The following CD200R1L variants were observed in gnomAD, a reference collection of about 807,000 sequenced individuals.
CD200R1L encodes the protein CD200 receptor 1 like.
A neutral mutation model predicts 24.8 loss-of-function variants in CD200R1L; 14 were observed. That is an observed-to-expected ratio of 0.56 (90% CI 0.37 to 0.88). The LOEUF (loss-of-function observed/expected upper bound fraction) is 0.88, where lower values mean the gene tolerates loss of function less well. Ranked by LOEUF, CD200R1L falls within the 40% of genes least tolerant of loss-of-function variation. The pLI is 0.00. For missense variants in CD200R1L, 299 were observed against 297.8 expected, an observed-to-expected ratio of 1.00 and a Z score of -0.03; for synonymous variants, 111 against 109.2, an observed-to-expected ratio of 1.02 and a Z score of -0.11.
chr3:112,835,984 AAG>A (rs1342534581), intron 3 of CD200R1L, among the ~76,000 whole-genome samples: 2 of 152,230 alleles, frequency 1.3e-5, no homozygotes, highest in African/African-American at 4.8e-5. Flanking sequence ...GCAGTAGGCA[AAG>A]AGCAGGTGGC....
intron 3 of CD200R1L, among the ~76,000 whole-genome samples, chr3:112,829,881 C>G (rs1003458060): frequency 1.3e-5 from 2 of 152,198 alleles, no homozygotes; most frequent in African/African-American, 4.8e-5. Context: ...TCTATAGACA[C>G]TCTTGTTGCT....
intron 3 of CD200R1L, among the ~76,000 whole-genome samples, chr3:112,832,897 C>T (rs1938835601): frequency 1.3e-5 from 2 of 152,190 alleles, no homozygotes; most frequent in Non-Finnish European, 2.9e-5. Context: ...GGGCATTTTG[C>T]AAAGACCATC....
At position 112,827,670 on chromosome 3, in the gene CD200R1L, G is replaced by A. The variant is rs770137502; in HGVS notation, c.64C>T (p.Pro22Ser). The change falls in exon 5 of 8, where the codon CCT becomes TCT. Residue 22 changes from proline (P) to serine (S), a missense_variant. Coordinates refer to ENST00000488794, the MANE Select transcript of CD200R1L (RefSeq NM_001199215.3). ...TIFAEGNISQ[P>S]VLMDINAVLC... ...ACAGCATTTATATCCATCAGTACAG[G>A]CTGTGAAATGTTACCTGGACACACA... The A allele has an allele frequency of 8.1e-6, 13 of 1,612,850 alleles. No homozygotes were observed. Among genetic ancestry groups the A allele is most frequent in the Non-Finnish European group, 1.1e-5 (13 of 1,179,470 alleles).
chr3:112,822,152 G>C (rs1559920658), intron 6 of CD200R1L, among the ~76,000 whole-genome samples: 1 of 152,214 alleles, frequency 6.6e-6, no homozygotes, highest in South Asian at 2.1e-4. Flanking sequence ...AGAAGTAAGT[G>C]GTTGTAATAT....
intron 2 of CD200R1L, among the ~76,000 whole-genome samples, chr3:112,841,535 A>G (rs566423224): frequency 6.6e-6 from 1 of 152,342 alleles, no homozygotes; most frequent in Admixed American, 6.5e-5. Flanking sequence ...AAACACAGCC[A>G]TATGCAGTCA....
At chr3:112,835,313 T>C (rs1372501083) in intron 3 of CD200R1L, among the ~76,000 whole-genome samples, 1 of 152,134 alleles carries the variant, frequency 6.6e-6, no homozygotes, top group East Asian at 1.9e-4. Context: ...GGGTAGCTCC[T>C]CTCTGCAGGC....
intron 7 of CD200R1L, among the ~76,000 whole-genome samples, 195 bp from the exon 8 acceptor site, chr3:112,816,170 A>T (rs1938385467): frequency 6.6e-6 from 1 of 152,212 alleles, no homozygotes; most frequent in Admixed American, 6.5e-5. Context: ...AACAACCATA[A>T]AACCTCTGTG....
chr3:112,837,513 A>C (rs1938977118), intron 3 of CD200R1L, among the ~76,000 whole-genome samples: 2 of 152,098 alleles, frequency 1.3e-5, no homozygotes, highest in Non-Finnish European at 2.9e-5. Flanking sequence ...TCTACCCTGT[A>C]CTTTAGTCCA....
chr3:112,837,344 T>C (rs1938973065), intron 3 of CD200R1L, among the ~76,000 whole-genome samples: 1 of 152,222 alleles, frequency 6.6e-6, no homozygotes, highest in Non-Finnish European at 1.5e-5. Flanking sequence ...TCTTAATTCA[T>C]GCTGTTCTTC....
chr3:112,822,934 C>T (rs986090406), intron 6 of CD200R1L, among the ~76,000 whole-genome samples: 1 of 152,186 alleles, frequency 6.6e-6, no homozygotes, highest in African/African-American at 2.4e-5. Flanking sequence ...TGTTGATCTT[C>T]ATTATTGATT....
intron 2 of CD200R1L, among the ~76,000 whole-genome samples, chr3:112,840,747 A>G: frequency 6.6e-6 from 1 of 151,826 alleles, no homozygotes; most frequent in East Asian, 1.9e-4. Flanking sequence ...CTGCATATAA[A>G]CTCTCCCCAC....
intron 3 of CD200R1L, among the ~76,000 whole-genome samples, chr3:112,832,660 A>G (rs532880115): frequency 6.2e-4 from 95 of 152,368 alleles, no homozygotes; most frequent in African/African-American, 2.1e-3. Context: ...TTACCAAAGT[A>G]TCAGCCCCAA....
At chr3:112,827,784 A>T in intron 4 of CD200R1L, 100 bp from the exon 5 acceptor site, 9 of 1,162,762 alleles carry the variant, frequency 7.7e-6, no homozygotes, top group South Asian at 1.6e-5. Context: ...TTATTAGAAC[A>T]TAAATTTGCT....
chr3:112,826,903 T>C, intron 6 of CD200R1L, 90 bp downstream of exon 6: 1 of 1,451,886 alleles, frequency 6.9e-7, no homozygotes, highest in South Asian at 1.4e-5. Context: ...GAGCTCAAAT[T>C]TTCTTACCTG....
In CD200R1L at chr3:112,819,909, C is replaced by T. The variant is rs986559882; in HGVS notation, c.617-14G>A. ...AGGTTCTGAGACCTTTAAATACAGA[C>T]AGGGGTGAAAAATCATTTCAAGCAT... On this transcript the variant is annotated splice_polypyrimidine_tract_variant and intron_variant, in intron 6 of 7. Coordinates refer to ENST00000488794, the MANE Select transcript of CD200R1L (RefSeq NM_001199215.3). 1 of 1,561,332 alleles carries T rather than the reference C, an allele frequency of 6.4e-7. No individual in the cohort carries two copies. Among genetic ancestry groups the T allele is most frequent in the Admixed American group, 2.1e-5 (1 of 46,760 alleles).
intron 7 of CD200R1L, among the ~76,000 whole-genome samples, chr3:112,816,192 T>C (rs1003883472): frequency 1.3e-5 from 2 of 152,182 alleles, no homozygotes; most frequent in African/African-American, 4.8e-5. Flanking sequence ...CAACAATTGC[T>C]TATATGCCTG....
rs1443178364 is a variant in CD200R1L at position 112,819,776 on chromosome 3, C to A, written c.736G>T (p.Val246Phe). Reference protein sequence around the residue: ...GFVFFQRINHVRKVL With the variant: ...GFVFFQRINHFRKVL ...TTTTCAGTCTTCAGTTCCTACCTGA[C>A]ATGATTTATCCTCTGGAAGAAAACA... Residue 246 changes from valine to phenylalanine, a missense_variant, in exon 7 of 8, where the codon GTC (valine) becomes TTC (phenylalanine). By Grantham distance (50) the Val-to-Phe change is conservative. Coordinates refer to ENST00000488794, the MANE Select transcript of CD200R1L (RefSeq NM_001199215.3). 1 of 1,599,022 alleles carries A rather than the reference C, an allele frequency of 6.3e-7. No homozygotes were observed. The highest frequency in any genetic ancestry group is 1.8e-5 in the Admixed American group (1 of 55,748).
chr3:112,846,598 AT>A (rs1167238272), intron 1 of CD200R1L, 26 bp downstream of exon 1: 3 of 152,148 alleles, frequency 2.0e-5, no homozygotes, highest in African/African-American at 7.2e-5. Flanking sequence ...CCCAACATTT[AT>A]TTGTTGAAAT....
At chr3:112,844,573 A>G (rs1476246258) in intron 2 of CD200R1L, among the ~76,000 whole-genome samples, 1 of 152,224 alleles carries the variant, frequency 6.6e-6, no homozygotes, top group Non-Finnish European at 1.5e-5. Context: ...TTATAGTGCT[A>G]AACACCTACA....
Sources: allele counts gnomAD v4.1 joint callset (sites outside exome capture counted in the v4.1 genomes callset), GRCh38; gene constraint gnomAD v4.1.1; transcripts MANE v1.5; gene names NCBI Gene and HGNC (gene_info 2026-07-23, HGNC 2026-07-21).